The following RARRES1 variants were observed in gnomAD, a reference collection of about 807,000 sequenced individuals.
RARRES1 encodes the protein retinoic acid receptor responder 1.
RARRES1 carries 34 observed loss-of-function variants against 30.6 expected under a neutral mutation model. That is an observed-to-expected ratio of 1.11 (90% CI 0.84 to 1.48). RARRES1 has a LOEUF of 1.48. Ranked by LOEUF, RARRES1 falls within the 40% of genes most tolerant of loss-of-function variation. The pLI is 0.00. For missense variants in RARRES1, 373 were observed against 386.5 expected (o/e 0.97, Z 0.29); for synonymous variants, 153 against 155.5 (o/e 0.98, Z 0.12).
At chr3:158,714,997 A>G (rs1307251297) in intron 1 of RARRES1, among the ~76,000 whole-genome samples, 1 of 152,240 alleles carries the variant, frequency 6.6e-6, no homozygotes, top group East Asian at 1.9e-4. Context: ...TTATTTATGT[A>G]GGGAATATTT....
At position 158,720,264 on chromosome 3, in the gene RARRES1, G is replaced by A. The variant is rs368745888; in HGVS notation, c.277-6405C>T. ...TGTGTGTGTGTGTGTGTGTGTGTGT[G>A]TATGTGTGTGAGAGAGAGAGAGAGA... On this transcript the variant is annotated intron_variant, in intron 1 of 5. Transcript: ENST00000237696. 1.8e-4 allele frequency among the ~76,000 whole-genome samples: 14 copies of A among 78,988 alleles called. No homozygotes were observed. In the South Asian group the frequency reaches 3.3e-3, roughly 18 times the overall value. 51.8% of individuals were successfully genotyped at this position (78,988 alleles called of 152,430 possible).
chr3:158,710,459 C>T (rs536856955), intron 3 of RARRES1, among the ~76,000 whole-genome samples: 15 of 152,274 alleles, frequency 9.9e-5, no homozygotes, highest in South Asian at 4.1e-4. Context: ...CTGCCCACCT[C>T]GGCCTCCCAA....
chr3:158,698,470 G>A (rs1209739930), intron 4 of RARRES1, among the ~76,000 whole-genome samples: 1 of 152,180 alleles, frequency 6.6e-6, no homozygotes, highest in African/African-American at 2.4e-5. Flanking sequence ...GCTAGGAAGG[G>A]ACAAATGGGA....
chr3:158,721,780 A>G (rs1335433032), intron 1 of RARRES1, among the ~76,000 whole-genome samples: 1 of 152,168 alleles, frequency 6.6e-6, no homozygotes, highest in Non-Finnish European at 1.5e-5. Context: ...GTGACACAGT[A>G]TGTGCTATTC....
chr3:158,727,362 C>T (rs1305826008), intron 1 of RARRES1, among the ~76,000 whole-genome samples: 1 of 152,208 alleles, frequency 6.6e-6, no homozygotes, highest in East Asian at 1.9e-4. Context: ...TGTTTCCAAC[C>T]ACTGGTCTTG....
intron 4 of RARRES1, among the ~76,000 whole-genome samples, chr3:158,703,333 T>C (rs1726798238): frequency 6.6e-6 from 1 of 152,100 alleles, no homozygotes; most frequent in South Asian, 2.1e-4. Context: ...TAACAACTTT[T>C]CCCTCTCTTT....
Position 158,704,820 on chromosome 3 carries a change from A to G in RARRES1, c.643T>C (p.Leu215=). 1 of 1,614,044 alleles carries G rather than the reference A, an allele frequency of 6.2e-7. No homozygotes were observed. Among genetic ancestry groups the G allele is most frequent in the Non-Finnish European group, 8.5e-7 (1 of 1,179,996 alleles). ...EMTTQVSHYY[L]AQLTSVRQWK... ...TGCCTCACACTAGTGAGCTGTGCCA[A>G]GTAGTAGTGTGACACCTGTGTTGTC... is the stretch of plus-strand genomic sequence containing the variant. The change falls in exon 4 of 6, where the codon TTG becomes CTG. Residue 215 remains leucine, a synonymous_variant. Transcript: ENST00000237696.
intron 3 of RARRES1, among the ~76,000 whole-genome samples, chr3:158,706,918 C>G (rs539848196): frequency 2.6e-5 from 4 of 152,254 alleles, no homozygotes; most frequent in African/African-American, 9.6e-5. Flanking sequence ...CCTGTAATCC[C>G]AGCACTTTGG....
intron 1 of RARRES1, among the ~76,000 whole-genome samples, chr3:158,731,272 A>G (rs1727877803): frequency 6.6e-6 from 1 of 152,220 alleles, no homozygotes; most frequent in Admixed American, 6.5e-5. Context: ...CCTATTTATT[A>G]AATACATGCG....
chr3:158,716,369 TG>T (rs1402904097), intron 1 of RARRES1, among the ~76,000 whole-genome samples: 2 of 152,178 alleles, frequency 1.3e-5, no homozygotes, highest in Non-Finnish European at 2.9e-5. Context: ...CATTCGGGCA[TG>T]GTTATATGCT....
chr3:158,732,363 GGGCCCCTGGGCCCGGACCAGGGAGCA>G lies in RARRES1; in HGVS notation c.27_52del (p.Trp12HisfsTer74), dbSNP rs1201964553. The G allele has an allele frequency of 1.4e-6, 2 of 1,467,172 alleles. No homozygotes were observed. The highest frequency in any genetic ancestry group is 3.0e-5 in the African/African-American group (2 of 67,644). The allele number at this position is 1,467,172 out of a possible 1,614,324, so 90.9% of individuals were successfully genotyped here. On this transcript the variant is annotated frameshift_variant, in exon 1 of 6. Coordinates refer to ENST00000237696, the MANE Select transcript of RARRES1 (RefSeq NM_206963.2). LOFTEE classifies it high-confidence loss of function. ...CGCGAGCAGCGGGGCGGTGGGGCGC[GGGCCCCTGGGCCCGGACCAGGGAGCA>G]GGCAGCCGTTGCCGGCGGGGCTGCA... is the stretch of plus-strand genomic sequence containing the variant.
At chr3:158,716,149 G>C (rs1410270479) in intron 1 of RARRES1, among the ~76,000 whole-genome samples, 1 of 152,164 alleles carries the variant, frequency 6.6e-6, no homozygotes, top group Admixed American at 6.5e-5. Context: ...GGGTGGGTGC[G>C]GAGGCCATTC....
At chr3:158,722,106 AG>A (rs1290891459) in intron 1 of RARRES1, among the ~76,000 whole-genome samples, 1 of 150,674 alleles carries the variant, frequency 6.6e-6, no homozygotes, top group African/African-American at 2.5e-5. Context: ...AAAAAAAAAA[AG>A]AGTATCCAGA....
intron 2 of RARRES1, among the ~76,000 whole-genome samples, chr3:158,713,448 G>A (rs1727210908): frequency 6.6e-6 from 1 of 152,170 alleles, no homozygotes; most frequent in African/African-American, 2.4e-5. Flanking sequence ...CTGACAGGAA[G>A]AGAGTAAGTT....
intron 3 of RARRES1, among the ~76,000 whole-genome samples, chr3:158,707,772 C>A (rs1171138109): frequency 1.3e-5 from 2 of 152,138 alleles, no homozygotes; most frequent in Non-Finnish European, 1.5e-5. Context: ...GAAGAAAATA[C>A]CTGTTGAGAA....
In RARRES1 at chr3:158,724,628, A is replaced by G. The variant is rs371483286; in HGVS notation, c.276+7512T>C. On this transcript the variant is annotated intron_variant, in intron 1 of 5. Coordinates refer to ENST00000237696, the MANE Select transcript of RARRES1 (RefSeq NM_206963.2). ...CCAGGGAGACCCATTTCAGGCTTCT[A>G]CCCTCCAGAACCATAAGTGAGTAAG... Among the ~76,000 whole-genome samples the G allele has an allele frequency of 8.2e-4, 125 of 152,184 alleles. 1 individual carries two copies. The highest frequency in any genetic ancestry group is 2.8e-3 in the African/African-American group (117 of 41,530).
chr3:158,701,675 C>T (rs2108130153), intron 4 of RARRES1, among the ~76,000 whole-genome samples: 1 of 152,236 alleles, frequency 6.6e-6, no homozygotes, highest in South Asian at 2.1e-4. Context: ...TTGCTTGTTG[C>T]TTGTGTTGCT....
chr3:158,711,048 T>G, intron 2 of RARRES1, 115 bp from the exon 3 acceptor site: 1 of 943,314 alleles, frequency 1.1e-6, no homozygotes, highest in Non-Finnish European at 1.6e-6. Context: ...CATCAATAGA[T>G]GTAGTGGGTT....
intron 3 of RARRES1, 65 bp from the exon 4 acceptor site, chr3:158,704,992 AGAAAT>A: frequency 6.4e-7 from 1 of 1,567,168 alleles, no homozygotes; most frequent in Non-Finnish European, 8.6e-7. Context: ...CAGAAGTTGC[AGAAAT>A]GAAATAGGGT....
Sources: gnomAD v4.1 joint callset for allele counts (sites outside exome capture counted in the v4.1 genomes callset) on GRCh38, gnomAD v4.1.1 for gene constraint, MANE v1.5 for transcripts, NCBI Gene and HGNC (gene_info 2026-07-23, HGNC 2026-07-21) for gene names.